Variants in PTPRM observed in about 807,000 individuals in gnomAD.
The protein encoded by PTPRM is protein tyrosine phosphatase receptor type M.
Under a neutral mutation model 186.7 loss-of-function variants are expected in PTPRM, and 47 were observed. The observed-to-expected ratio is 0.25, with a 90% CI of 0.20 to 0.32. The LOEUF (loss-of-function observed/expected upper bound fraction) is 0.32, where lower values mean the gene tolerates loss of function less well. Ranked by LOEUF, PTPRM falls within the 10% of genes least tolerant of loss-of-function variation. The pLI, the probability that PTPRM is intolerant of heterozygous loss-of-function variation, is 1.00. For missense variants in PTPRM, 1,494 were observed against 1,865.0 expected (o/e 0.80, Z 3.66); for synonymous variants, 668 against 674.9 (o/e 0.99, Z 0.16).
At chr18:7,743,414 A>G (rs1191061049) in intron 1 of PTPRM, among the ~76,000 whole-genome samples, 1 of 152,240 alleles carries the variant, frequency 6.6e-6, no homozygotes, top group Non-Finnish European at 1.5e-5. Flanking sequence ...AAATTCTTCT[A>G]TTCTAGCTAA....
rs1599687493 is a variant in PTPRM, at chr18:7,950,442, G to A, written c.838+1087G>A. ...TGTCTGTTTCTTATGTGGTATAAAA[G>A]CAATAGCTTTTATCTGCACATTTCT... On this transcript the variant is annotated intron_variant, in intron 6 of 32. Coordinates refer to ENST00000580170, the MANE Select transcript of PTPRM (RefSeq NM_001105244.2). Among the ~76,000 whole-genome samples, 9 of 152,234 alleles carry A rather than the reference G, an allele frequency of 5.9e-5. No individual in the cohort carries two copies. In the South Asian group the frequency reaches 1.9e-3, roughly 32 times the overall value.
At chr18:8,171,387 G>C (rs1270158343) in intron 14 of PTPRM, among the ~76,000 whole-genome samples, 2 of 152,140 alleles carry the variant, frequency 1.3e-5, no homozygotes, top group African/African-American at 4.8e-5. Flanking sequence ...TGAACTGTTA[G>C]TTTTCAGGAG....
chr18:7,805,511 G>A (rs8086472), intron 2 of PTPRM, among the ~76,000 whole-genome samples: 2,278 of 152,300 alleles, frequency 0.015, 55 homozygotes, highest in African/African-American at 0.043. Context: ...AGCTTGAAGC[G>A]TTTTGAGAGT....
At chr18:8,329,711 G>A (rs1030154941) in intron 22 of PTPRM, among the ~76,000 whole-genome samples, 34 of 7,568 alleles carry the variant, frequency 4.5e-3, no homozygotes, top group Admixed American at 7.1e-3. Context: ...ATTACCCAGT[G>A]TGGAGTATAA....
At chr18:7,893,949 T>A (rs1402805224) in intron 3 of PTPRM, among the ~76,000 whole-genome samples, 2 of 152,020 alleles carry the variant, frequency 1.3e-5, no homozygotes, top group Non-Finnish European at 2.9e-5. Flanking sequence ...AAATCCAATT[T>A]TCACCCCTGG....
intron 17 of PTPRM, among the ~76,000 whole-genome samples, chr18:8,248,556 A>G (rs1318388669): frequency 2.4e-4 from 37 of 152,350 alleles, no homozygotes; most frequent in Non-Finnish European, 4.4e-5. Context: ...TAGTCATAAA[A>G]GTGAAAATAG....
At chr18:7,839,480 T>C (rs563665967) in intron 2 of PTPRM, among the ~76,000 whole-genome samples, 112 of 152,318 alleles carry the variant, frequency 7.4e-4, no homozygotes, top group African/African-American at 2.5e-3. Context: ...TCTAGCAATG[T>C]CATCTGGGAG....
chr18:7,662,351 A>G (rs777281979), intron 1 of PTPRM, among the ~76,000 whole-genome samples: 1 of 152,216 alleles, frequency 6.6e-6, no homozygotes, highest in East Asian at 1.9e-4. Flanking sequence ...AAAATATGGT[A>G]TGTATACCCA....
chr18:8,242,341 A>G (rs1340547957), intron 14 of PTPRM, among the ~76,000 whole-genome samples: 3 of 152,230 alleles, frequency 2.0e-5, no homozygotes, highest in Non-Finnish European at 4.4e-5. Flanking sequence ...ATGTTTTTCC[A>G]GTGATCTGGC....
At chr18:7,655,604 A>G (rs1268643372) in intron 1 of PTPRM, among the ~76,000 whole-genome samples, 2 of 152,230 alleles carry the variant, frequency 1.3e-5, no homozygotes, top group Admixed American at 1.3e-4. Flanking sequence ...TGGTTATAGC[A>G]GCTTTATTCA....
At chr18:7,800,576 A>C (rs1239375962) in intron 2 of PTPRM, among the ~76,000 whole-genome samples, 1 of 152,216 alleles carries the variant, frequency 6.6e-6, no homozygotes, top group Non-Finnish European at 1.5e-5. Flanking sequence ...GTATCATGTA[A>C]TGGACAAATC....
intron 14 of PTPRM, among the ~76,000 whole-genome samples, chr18:8,203,458 A>G (rs995202955): frequency 3.9e-5 from 6 of 152,242 alleles, no homozygotes; most frequent in East Asian, 3.8e-4. Context: ...TTAAAGAAAC[A>G]TGATGACTTA....
rs549586899 is a variant in PTPRM at position 7,847,577 on chromosome 18, GCT to G, written c.197-40526_197-40525del. ...GATCCAGCAGCTCAATGACAACTGG[GCT>G]CTGTCTCCCTTTCCAGAGCTCAGCT... On this transcript the variant is annotated intron_variant, in intron 2 of 32. Coordinates refer to ENST00000580170, the MANE Select transcript of PTPRM (RefSeq NM_001105244.2). 3.3e-5 allele frequency among the ~76,000 whole-genome samples: 5 copies of G among 152,192 alleles called. No homozygotes were observed. In the South Asian group the frequency reaches 1.0e-3, roughly 32 times the overall value.
intron 1 of PTPRM, among the ~76,000 whole-genome samples, chr18:7,764,070 G>A (rs1418997006): frequency 6.6e-6 from 1 of 151,874 alleles, no homozygotes; most frequent in African/African-American, 2.4e-5. Flanking sequence ...ATAGATCAGG[G>A]TTTTCTTAGC....
At chr18:8,313,342 C>T (rs1317063425) in intron 20 of PTPRM, among the ~76,000 whole-genome samples, 2 of 152,168 alleles carry the variant, frequency 1.3e-5, no homozygotes, top group East Asian at 3.8e-4. Flanking sequence ...TGAGTTTTAG[C>T]ATACACTTTA....
At chr18:7,767,629 C>T (rs1295397071) in intron 1 of PTPRM, among the ~76,000 whole-genome samples, 1 of 152,116 alleles carries the variant, frequency 6.6e-6, no homozygotes, top group African/African-American at 2.4e-5. Context: ...AAATATCCTC[C>T]ATTATGCAAG....
At position 7,905,819 on chromosome 18, in the gene PTPRM, T is replaced by G. The variant is rs145398440; in HGVS notation, c.469-686T>G. 6.2e-3 allele frequency among the ~76,000 whole-genome samples: 940 copies of G among 152,320 alleles called. 5 individuals are homozygous for G. The highest frequency in any genetic ancestry group is 9.6e-3 in the Non-Finnish European group (654 of 68,018). The stretch of plus-strand genomic sequence containing the variant: ...TTTCATTACACTTACTGTATTTTTT[T>G]TCACTTGTGTAAATCTTACTACCCC... On this transcript the variant is annotated intron_variant, in intron 3 of 32. Transcript: ENST00000580170.
chr18:8,087,178 A>G (rs2090476599), intron 10 of PTPRM, among the ~76,000 whole-genome samples: 1 of 152,168 alleles, frequency 6.6e-6, no homozygotes, highest in South Asian at 2.1e-4. Context: ...GGATTTAAAG[A>G]TGAAATAAGT....
chr18:7,944,285 T>C (rs7504288), intron 5 of PTPRM, among the ~76,000 whole-genome samples: 2 of 152,166 alleles, frequency 1.3e-5, no homozygotes, highest in African/African-American at 2.4e-5. Context: ...GTAGAGTACA[T>C]GTTGTGTTGA....
Sources: allele counts gnomAD v4.1 joint callset (sites outside exome capture counted in the v4.1 genomes callset), GRCh38; gene constraint gnomAD v4.1.1; transcripts MANE v1.5; gene names NCBI Gene and HGNC (gene_info 2026-07-23, HGNC 2026-07-21).